ODF2: variants seen among roughly 807,000 people sequenced by gnomAD.
ODF2 encodes outer dense fiber of sperm tails 2.
In ODF2, 47 loss-of-function variants were observed where a neutral mutation model predicts 110.2. The ratio of observed to expected loss-of-function variants is 0.43; its 90% confidence interval spans 0.34 to 0.54. The LOEUF is 0.54. ODF2 is among the 20% of genes least tolerant of loss of function. The pLI is 0.03. For missense variants in ODF2, 812 were observed against 1,054.5 expected (o/e 0.77, Z 3.19); for synonymous variants, 352 against 397.7 (o/e 0.89, Z 1.37).
rs1835919224 is a variant in ODF2 at position 128,459,734 on chromosome 9, GC to G, written c.123+79del. 3 of 1,095,488 alleles carry G rather than the reference GC, an allele frequency of 2.7e-6. No individual in the cohort carries two copies. The South Asian group carries it at 4.0e-5, about 15-fold the overall frequency. 67.9% of individuals were successfully genotyped at this position (1,095,488 alleles called of 1,614,324 possible). ...CTTTTGCACACCGTTTCTAGGAGGT[GC>G]CTTACCCTGCTGGGCACCATCGCCG... On this transcript the variant is annotated intron_variant, in intron 3 of 20. Transcript: ENST00000604420.
intron 3 of ODF2, chr9:128,460,562 A>G (rs1367748941): frequency 2.2e-5 from 35 of 1,613,686 alleles, no homozygotes; most frequent in Non-Finnish European, 3.0e-5. Flanking sequence ...GCCAACCATG[A>G]AGGACCGCTC....
chr9:128,466,968 C>T (rs1838100962), intron 4 of ODF2, among the ~76,000 whole-genome samples: 1 of 94,530 alleles, frequency 1.1e-5, no homozygotes. Flanking sequence ...CAGAGCGAGA[C>T]TCCATCTCAA....
Position 128,459,639 on chromosome 9 carries a change from AC to A in ODF2, c.108del (p.Ser37ValfsTer2), listed in dbSNP as rs775098042. ...AGGTCTTGAGAGCACCTTGTGGCGC[AC>A]CCAGTGTAACTGTGACGGTAGGTGA... On this transcript the variant is annotated frameshift_variant, in exon 3 of 21. Coordinates refer to ENST00000604420, the Ensembl canonical transcript of ODF2. LOFTEE classifies it high-confidence loss of function. 1 of 1,613,714 alleles carries A rather than the reference AC, an allele frequency of 6.2e-7. No individual in the cohort carries two copies. Among genetic ancestry groups the A allele is most frequent in the African/African-American group, 1.3e-5 (1 of 75,034 alleles).
At chr9:128,458,255 C>T (rs1835461481) in intron 2 of ODF2, among the ~76,000 whole-genome samples, 1 of 152,012 alleles carries the variant, frequency 6.6e-6, no homozygotes, top group African/African-American at 2.4e-5. Flanking sequence ...GAGTTTGAGA[C>T]CAGCCTGACC....
intron 7 of ODF2, 169 bp downstream of exon 7, chr9:128,473,211 G>C (rs1356124228): frequency 2.0e-6 from 2 of 985,132 alleles, no homozygotes; most frequent in East Asian, 1.1e-4. Flanking sequence ...CCCAATCCTT[G>C]ACCCTTGAAG....
chr9:128,497,446 A>AAAAAT lies in ODF2; in HGVS notation c.2013-966_2013-965insAAATA, dbSNP rs1554857542. ...ACTAAAAAAAAAAAAAAAAAAAAAA[A>AAAAAT]ATATATATATATATATATATATATA... On this transcript the variant is annotated intron_variant, in intron 18 of 20. Transcript: ENST00000604420. 1.9e-3 allele frequency: 81 copies of AAAAAT among 42,566 alleles called. 1 individual carries two copies. Among genetic ancestry groups the AAAAAT allele is most frequent in the Non-Finnish European group, 2.3e-3 (64 of 27,986 alleles). 2.6% of individuals were successfully genotyped at this position (42,566 alleles called of 1,614,324 possible).
chr9:128,461,020 A>G (rs1444089020), exon 4 of ODF2: 1 of 1,614,024 alleles, frequency 6.2e-7, no homozygotes, highest in Non-Finnish European at 8.5e-7. Context: ...GGTACCTTGG[A>G]TGCCCCCTGG....
At chr9:128,484,615 C>A in intron 11 of ODF2, 86 bp from the exon 12 acceptor site, 1 of 1,412,510 alleles carries the variant, frequency 7.1e-7, no homozygotes, top group Non-Finnish European at 9.7e-7. Context: ...GCCTTTTCCT[C>A]CCTTTCTCCT....
intron 14 of ODF2, among the ~76,000 whole-genome samples, chr9:128,488,241 A>G (rs907613214): frequency 6.6e-6 from 1 of 152,126 alleles, no homozygotes; most frequent in African/African-American, 2.4e-5. Flanking sequence ...CCTGGGCAAC[A>G]TGGCAAAATC....
intron 18 of ODF2, 82 bp downstream of exon 18, chr9:128,496,223 C>CG: frequency 6.3e-7 from 1 of 1,593,800 alleles, no homozygotes; most frequent in Non-Finnish European, 8.5e-7. Flanking sequence ...GCTTAGTGTG[C>CG]GGAAGTGTTG....
chr9:128,496,499 GCCAGTCAC>G (rs1383308235), intron 18 of ODF2, among the ~76,000 whole-genome samples: 1 of 152,152 alleles, frequency 6.6e-6, no homozygotes, highest in African/African-American at 2.4e-5. Context: ...GCCCTTTCTT[GCCAGTCAC>G]CCTTCCCAAG....
intron 11 of ODF2, 75 bp from the exon 12 acceptor site, chr9:128,484,626 T>G (rs1372956093): frequency 8.1e-6 from 12 of 1,474,212 alleles, no homozygotes; most frequent in Admixed American, 2.0e-5. Context: ...CCTTTCTCCT[T>G]CACCCTCTGC....
chr9:128,459,465 G>A, intron 2 of ODF2, 102 bp from the exon 2 acceptor site: 1 of 921,080 alleles, frequency 1.1e-6, no homozygotes, highest in Non-Finnish European at 1.7e-6. Context: ...TCCTAGCCAT[G>A]AACATGTTAG....
At chr9:128,464,935 T>G (rs1837460253) in intron 4 of ODF2, among the ~76,000 whole-genome samples, 1 of 149,334 alleles carries the variant, frequency 6.7e-6, no homozygotes, top group South Asian at 2.2e-4. Flanking sequence ...CCTCAAGTGA[T>G]CTGCTCGCCT....
At position 128,484,869 on chromosome 9, in the gene ODF2, G is replaced by A. The variant is rs144493691; in HGVS notation, c.1273G>A (p.Val425Met). ...CGAGGAGTATGCTGAGCAGCTACAC[G>A]TGCAACTCGCTGACAAGGTCGCAGG... Residue 425 changes from valine (V) to methionine (M), a missense_variant, in exon 12 of 21, where the codon GTG (valine) becomes ATG (methionine). Coordinates refer to ENST00000604420, the Ensembl canonical transcript of ODF2. 89 of 1,613,836 alleles carry A rather than the reference G, an allele frequency of 5.5e-5. No individual in the cohort carries two copies. The East Asian group carries it at 8.9e-4, about 16-fold the overall frequency.
chr9:128,463,089 C>A (rs770285380), intron 4 of ODF2, among the ~76,000 whole-genome samples: 3 of 151,842 alleles, frequency 2.0e-5, no homozygotes, highest in African/African-American at 4.8e-5. Flanking sequence ...ATAGTGAGAT[C>A]CTATCTCTAC....
chr9:128,456,791 G>A, intron 1 of ODF2: 2 of 757,096 alleles, frequency 2.6e-6, no homozygotes, highest in East Asian at 7.0e-5. Flanking sequence ...CTCCCAGCCC[G>A]GCGTCTATCC....
intron 14 of ODF2, among the ~76,000 whole-genome samples, chr9:128,489,429 T>C (rs1448213574): frequency 6.6e-6 from 1 of 152,240 alleles, no homozygotes; most frequent in Non-Finnish European, 1.5e-5. Context: ...AATACCCCTG[T>C]AAAGGTAACT....
At chr9:128,488,993 C>T (rs556864269) in intron 14 of ODF2, among the ~76,000 whole-genome samples, 4 of 152,086 alleles carry the variant, frequency 2.6e-5, no homozygotes, top group African/African-American at 4.8e-5. Context: ...GGCAACAGAG[C>T]GAAACTCCGT....
Sources: allele counts gnomAD v4.1 joint callset (sites outside exome capture counted in the v4.1 genomes callset), GRCh38; gene constraint gnomAD v4.1.1; transcripts MANE v1.5; gene names NCBI Gene and HGNC (gene_info 2026-07-23, HGNC 2026-07-21).